AOPEP: variants seen among roughly 807,000 people sequenced by gnomAD.
AOPEP encodes the protein aminopeptidase O (putative), also known as aminopeptidase O.
Under a neutral mutation model 98.1 loss-of-function variants are expected in AOPEP, and 77 were observed. The ratio of observed to expected loss-of-function variants is 0.78; its 90% CI spans 0.65 to 0.95. The LOEUF is 0.95. AOPEP is among the 40% of genes least tolerant of loss of function. The probability of loss-of-function intolerance (pLI) is 0.00; values close to 1 mark genes in which losing one functional copy is unlikely to be tolerated. For missense variants in AOPEP, 1,024 were observed against 1,024.7 expected (o/e 1.00, Z 0.01); for synonymous variants, 346 against 365.3 (o/e 0.95, Z 0.60).
chr9:94,776,751 A>C (rs1842194553), intron 3 of AOPEP, among the ~76,000 whole-genome samples: 1 of 152,198 alleles, frequency 6.6e-6, no homozygotes, highest in Admixed American at 6.5e-5. Flanking sequence ...GTTTTACTTA[A>C]TAAAACTTGG....
At chr9:95,075,802 G>A (rs1022867091) in intron 14 of AOPEP, among the ~76,000 whole-genome samples, 10 of 152,176 alleles carry the variant, frequency 6.6e-5, no homozygotes, top group African/African-American at 1.4e-4. Flanking sequence ...CCAGAGGATC[G>A]CTTGAGCCTG....
At chr9:95,130,883 A>C in the AOPEP span, among the ~76,000 whole-genome samples, 1 of 152,236 alleles carries the variant, frequency 6.6e-6, no homozygotes, top group Admixed American at 6.5e-5. Context: ...CTTCACATCT[A>C]TCATGTACAA....
At chr9:94,970,559 C>T (rs115200520) in intron 10 of AOPEP, among the ~76,000 whole-genome samples, 2,031 of 151,510 alleles carry the variant, frequency 0.013, 52 homozygotes, top group African/African-American at 0.046. Context: ...AGGGAGATTG[C>T]GTGGGGCCTT....
chr9:94,743,771 C>T, intron 1 of AOPEP, among the ~76,000 whole-genome samples: 1 of 152,084 alleles, frequency 6.6e-6, no homozygotes, highest in East Asian at 1.9e-4. Context: ...GGTAACTACC[C>T]ACACAGCAGA....
At chr9:94,891,022 T>C (rs2048817933) in intron 5 of AOPEP, among the ~76,000 whole-genome samples, 1 of 152,236 alleles carries the variant, frequency 6.6e-6, no homozygotes, top group South Asian at 2.1e-4. Context: ...GTTCTATGAA[T>C]TGCTGAAAGC....
chr9:94,966,882 A>G lies in AOPEP; in HGVS notation c.1873-876A>G, dbSNP rs79101941. Among the ~76,000 whole-genome samples the G allele has an allele frequency of 2.6e-3, 397 of 152,358 alleles. 1 individual carries two copies. The highest frequency in any genetic ancestry group is 8.8e-3 in the African/African-American group (368 of 41,582). ...TCACAATATTCACAGTACAAATTAA[A>G]TATAAACGAACATTCATATTCGAAT... On this transcript the variant is annotated intron_variant, in intron 9 of 16. Coordinates refer to ENST00000375315, the MANE Select transcript of AOPEP (RefSeq NM_001193329.3).
At chr9:94,937,867 A>C (rs989740008) in intron 7 of AOPEP, among the ~76,000 whole-genome samples, 5 of 152,102 alleles carry the variant, frequency 3.3e-5, no homozygotes, top group African/African-American at 1.2e-4. Context: ...TTGCCCTACA[A>C]GAACAATTTC....
intron 13 of AOPEP, among the ~76,000 whole-genome samples, chr9:95,009,332 C>G (rs1442718977): frequency 6.6e-6 from 1 of 151,432 alleles, no homozygotes; most frequent in Non-Finnish European, 1.5e-5. Context: ...TATCAATATT[C>G]TAAGGATTAG....
intron 13 of AOPEP, among the ~76,000 whole-genome samples, chr9:95,016,985 T>TTATAATTATA (rs1260854168): frequency 6.7e-6 from 1 of 149,048 alleles, no homozygotes; most frequent in African/African-American, 2.4e-5. Flanking sequence ...TGCTATTAAT[T>TTATAATTATA]TATAATTATA....
chr9:95,010,746 CCTAA>C (rs1369757618), intron 13 of AOPEP, among the ~76,000 whole-genome samples: 3 of 152,196 alleles, frequency 2.0e-5, no homozygotes, highest in East Asian at 1.9e-4. Flanking sequence ...TCCCTTCCTC[CCTAA>C]CTGTGAGTGG....
chr9:95,114,064 A>G, the AOPEP span: 85,689 of 175,760 alleles, frequency 0.49, 21,775 homozygotes, highest in East Asian at 0.62. Flanking sequence ...TCCAGCCTGA[A>G]AGACAGAGCA....
chr9:94,910,419 G>T (rs1450125246), intron 5 of AOPEP, among the ~76,000 whole-genome samples: 2 of 152,190 alleles, frequency 1.3e-5, no homozygotes, highest in Non-Finnish European at 2.9e-5. Context: ...GCGAGGACTG[G>T]GTCTCGGGCA....
At chr9:95,068,937 C>T (rs1587894141) in intron 14 of AOPEP, among the ~76,000 whole-genome samples, 2 of 152,084 alleles carry the variant, frequency 1.3e-5, no homozygotes, top group East Asian at 3.9e-4. Flanking sequence ...TTTTTTAGGC[C>T]TCAGTGTGCG....
rs565203427 is a variant in AOPEP, at chr9:94,944,347, G to T, written c.1662-10830G>T. ...GAAACAACCCAAATGTCCATCAACAGATGAATGGATAATCAAAATGTGTTA... is the reference window on the plus strand; with the variant it reads ...GAAACAACCCAAATGTCCATCAACATATGAATGGATAATCAAAATGTGTTA... On this transcript the variant is annotated intron_variant, in intron 7 of 16. Coordinates refer to ENST00000375315, the MANE Select transcript of AOPEP (RefSeq NM_001193329.3). 1.4e-4 allele frequency among the ~76,000 whole-genome samples: 21 copies of T among 152,304 alleles called. No individual in the cohort carries two copies. The South Asian group carries it at 4.1e-3, about 30-fold the overall frequency.
At chr9:95,052,208 C>G (rs939091688) in intron 13 of AOPEP, among the ~76,000 whole-genome samples, 1 of 152,062 alleles carries the variant, frequency 6.6e-6, no homozygotes, top group Non-Finnish European at 1.5e-5. Flanking sequence ...GGCATTAAGT[C>G]GTTTATTTCA....
chr9:95,121,607 T>G, the AOPEP span, among the ~76,000 whole-genome samples: 1 of 152,210 alleles, frequency 6.6e-6, no homozygotes, highest in Non-Finnish European at 1.5e-5. Flanking sequence ...AGCAGGAGGA[T>G]GGCTACACTG....
rs72750338 is a variant in AOPEP at position 94,952,493 on chromosome 9, T to C, written c.1662-2684T>C. The stretch of plus-strand genomic sequence containing the variant: ...CCCCATAGGTCAGTTTTGCCTGTTC[T>C]TGGATTTCATTGACATGGACTTGTA... On this transcript the variant is annotated intron_variant, in intron 7 of 16. Coordinates refer to ENST00000375315, the MANE Select transcript of AOPEP (RefSeq NM_001193329.3). Among the ~76,000 whole-genome samples the C allele has an allele frequency of 5.2e-3, 799 of 152,322 alleles. 14 individuals carry two copies. Among genetic ancestry groups the C allele is most frequent in the East Asian group, 0.043 (225 of 5,186 alleles).
the AOPEP span, chr9:95,110,726 TAC>T: frequency 2.0e-6 from 2 of 1,016,086 alleles, no homozygotes; most frequent in Non-Finnish European, 2.4e-6. Flanking sequence ...CCTCTTTAAC[TAC>T]TAAGATCAGC....
the AOPEP span, chr9:95,110,419 A>G: frequency 2.0e-6 from 2 of 1,025,252 alleles, no homozygotes; most frequent in Non-Finnish European, 2.3e-6. Flanking sequence ...ATCAACCAGG[A>G]TTTTCCTTAG....
Sources: gnomAD v4.1 joint callset for allele counts (sites outside exome capture counted in the v4.1 genomes callset) on GRCh38, gnomAD v4.1.1 for gene constraint, MANE v1.5 for transcripts, NCBI Gene and HGNC (gene_info 2026-07-23, HGNC 2026-07-21) for gene names.